The following TMEM86A variants were observed in gnomAD, a reference collection of about 807,000 sequenced individuals.
The protein encoded by TMEM86A is transmembrane protein 86A.
TMEM86A carries 13 observed loss-of-function variants against 19.8 expected under a neutral mutation model. That is an observed-to-expected ratio of 0.66 (90% CI 0.43 to 1.04). The LOEUF is 1.04. Among genes scored for constraint, TMEM86A ranks in the 50% least tolerant of loss-of-function variants. The pLI is 0.00. For synonymous variants in TMEM86A, 128 were observed against 129.9 expected (o/e 0.99, Z 0.10); for missense variants, 248 against 306.8 (o/e 0.81, Z 1.43).
In TMEM86A at chr11:18,701,713, T is replaced by C. The variant is rs746742687; in HGVS notation, c.427T>C (p.Phe143Leu). Reference sequence around the variant, plus strand: ...CCTCTACCCATGCCTCTCAGGTGCCTTCACCTACCTGGTGGGGGTCTATGT... The same window carrying C: ...CCTCTACCCATGCCTCTCAGGTGCCCTCACCTACCTGGTGGGGGTCTATGT... Reference protein sequence around the residue: ...ALLYPCLSGAFTYLVGVYVAL... With the variant: ...ALLYPCLSGALTYLVGVYVAL... Residue 143 changes from phenylalanine (F) to leucine (L), a missense_variant, in exon 3 of 3, where the codon TTC (phenylalanine) becomes CTC (leucine). Physicochemically the swap from Phe to Leu is conservative, Grantham distance 22. Transcript: ENST00000280734. This position sits in a 1 kb window ranked among gnomAD's most constrained non-coding sequence, Gnocchi z 5.3. The C allele has an allele frequency of 1.9e-6, 3 of 1,614,152 alleles. No homozygotes were observed. The highest frequency in any genetic ancestry group is 1.6e-4 in the Middle Eastern group (1 of 6,062).
rs79772016 is a variant in TMEM86A at position 18,702,142 on chromosome 11, C to T, written c.*133C>T. ...GTACTGCCTGAGGAATTTGCAAGTT[C>T]GTGTGGGGAGGCTGGAAAAGGATCT... On this transcript the variant is annotated 3_prime_UTR_variant, in exon 3 of 3. Transcript: ENST00000280734. 0.02 allele frequency: 18,062 copies of T among 891,876 alleles called. 573 individuals carry two copies. The highest frequency in any genetic ancestry group is 0.095 in the East Asian group (3,702 of 38,782). 55.2% of individuals were successfully genotyped at this position (891,876 alleles called of 1,614,324 possible). A position where few individuals can be genotyped will look rare whatever the true frequency, so the allele number is the denominator to read the frequency against.
rs1455477586 is a variant in TMEM86A at position 18,701,934 on chromosome 11, C to G, written c.648C>G (p.Ala216=). 6.2e-7 allele frequency: 1 copy of G among 1,613,766 alleles called. No individual in the cohort carries two copies. Among genetic ancestry groups the G allele is most frequent in the Non-Finnish European group, 8.5e-7 (1 of 1,180,040 alleles). The change falls in exon 3 of 3, where the codon GCC becomes GCG. Residue 216 remains alanine, a synonymous_variant. Transcript: ENST00000280734. The surrounding 1 kb of genome is among the most constrained non-coding windows in gnomAD (Gnocchi z 5.3). ...RALIMSTYYV[A]QMLVALSAVE... is the part of the protein sequence containing the mutation. ...TTATCATGTCCACCTACTATGTGGCCCAGATGCTCGTCGCCTTGTCAGCTG... is the reference window on the plus strand; with the variant it reads ...TTATCATGTCCACCTACTATGTGGCGCAGATGCTCGTCGCCTTGTCAGCTG...
At position 18,698,806 on chromosome 11, in the gene TMEM86A, A is replaced by C. The variant is rs1305884636; in HGVS notation, c.-81A>C. On this transcript the variant is annotated 5_prime_UTR_variant, in exon 1 of 3. Transcript: ENST00000280734. The stretch of plus-strand genomic sequence containing the variant: ...TGTCCGTCCCTCCGGGCTTTGTAGA[A>C]TCGTCGCCGGCTTACCTGGCCGTGG... 13 of 649,566 alleles carry C rather than the reference A, an allele frequency of 2.0e-5. No individual in the cohort carries two copies. In the East Asian group the frequency reaches 4.2e-4, roughly 21 times the overall value. The allele number at this position is 649,566 out of a possible 1,614,324, so 40.2% of individuals were successfully genotyped here. A position where few individuals can be genotyped will look rare whatever the true frequency, so the allele number is the denominator to read the frequency against.
Position 18,701,018 on chromosome 11 carries a change from C to A in TMEM86A, c.107C>A (p.Ser36Ter). The change falls in exon 2 of 3, where the codon TCG (serine) becomes TAG (stop). Residue 36 changes from serine to a stop codon, truncating the protein, a stop_gained. Transcript: ENST00000280734. LOFTEE classifies it high-confidence loss of function. This position sits in a 1 kb window ranked among gnomAD's most constrained non-coding sequence, Gnocchi z 5.3. ...CTCTGGCTGCCCTCATCTAGCCCAT[C>A]GTGGGTCAGCACCCTCATCAAGTGC... ...FVLWLPSSSP[S>*]WVSTLIKCLP... 1 of 1,614,192 alleles carries A rather than the reference C, an allele frequency of 6.2e-7. No homozygotes were observed. The highest frequency in any genetic ancestry group is 8.5e-7 in the Non-Finnish European group (1 of 1,180,040).
Position 18,702,055 on chromosome 11 carries a change from C to A in TMEM86A, c.*46C>A. ...CCTCTCTCCTCCTGGGGCTGGGGCCCAGATCCTGGGGACCTGCAGGAGCTG... is the reference window on the plus strand; with the variant it reads ...CCTCTCTCCTCCTGGGGCTGGGGCCAAGATCCTGGGGACCTGCAGGAGCTG... On this transcript the variant is annotated 3_prime_UTR_variant, in exon 3 of 3. Transcript: ENST00000280734. 6.3e-7 allele frequency: 1 copy of A among 1,581,638 alleles called. No individual in the cohort carries two copies. The highest frequency in any genetic ancestry group is 1.1e-5 in the South Asian group (1 of 89,342).
rs976335687 is a variant in TMEM86A at position 18,701,731 on chromosome 11, G to T, written c.445G>T (p.Val149Phe). ...LSGAFTYLVG[V>F]YVALIGFMGW... Reference sequence around the variant, plus strand: ...AGGTGCCTTCACCTACCTGGTGGGGGTCTATGTGGCCCTTATCGGCTTCAT... The same window carrying T: ...AGGTGCCTTCACCTACCTGGTGGGGTTCTATGTGGCCCTTATCGGCTTCAT... The change falls in exon 3 of 3, where the codon GTC becomes TTC. Residue 149 changes from valine to phenylalanine, a missense_variant. Val to Phe is a conservative substitution (Grantham distance 50). Transcript: ENST00000280734. The surrounding 1 kb of genome is among the most constrained non-coding windows in gnomAD (Gnocchi z 5.3). 2 of 1,614,170 alleles carry T rather than the reference G, an allele frequency of 1.2e-6. No homozygotes were observed. The highest frequency in any genetic ancestry group is 1.7e-6 in the Non-Finnish European group (2 of 1,180,040).
chr11:18,700,725 G>T, intron 1 of TMEM86A: 1 of 639,172 alleles, frequency 1.6e-6, no homozygotes, highest in Non-Finnish European at 2.7e-6. Context: ...CTAATATACT[G>T]AGCCTCAGGG....
chr11:18,699,287 A>T lies in TMEM86A; in HGVS notation c.21+380A>T, dbSNP rs1160168203. Among the ~76,000 whole-genome samples, 4 of 152,156 alleles carry T rather than the reference A, an allele frequency of 2.6e-5. No homozygotes were observed. The highest frequency in any genetic ancestry group is 5.9e-5 in the Non-Finnish European group (4 of 68,008). On this transcript the variant is annotated intron_variant, in intron 1 of 2. Transcript: ENST00000280734. This position sits in a 1 kb window ranked among gnomAD's most constrained non-coding sequence, Gnocchi z 4.0. ...AGGCGTGGGGGCGGGGGATGCTGGG[A>T]GGATAACAGGGACCTCCTGGGAATG...
chr11:18,702,496 A>G lies in TMEM86A; in HGVS notation c.*487A>G, dbSNP rs527932564. The G allele has an allele frequency of 1.6e-4, 29 of 176,396 alleles. No homozygotes were observed. The South Asian group carries it at 3.8e-3, about 23-fold the overall frequency. 10.9% of individuals were successfully genotyped at this position (176,396 alleles called of 1,614,324 possible). Reference sequence around the variant, plus strand: ...CCAGGAGCCCCTTTCACAGGCCCCTAGTTGGGAAGACTGGATGAGAGTGGA... The same window carrying G: ...CCAGGAGCCCCTTTCACAGGCCCCTGGTTGGGAAGACTGGATGAGAGTGGA... On this transcript the variant is annotated 3_prime_UTR_variant, in exon 3 of 3. Coordinates refer to ENST00000280734, the MANE Select transcript of TMEM86A (RefSeq NM_153347.3).
chr11:18,700,818 G>T, intron 1 of TMEM86A, 115 bp from the exon 2 acceptor site: 2 of 1,418,180 alleles, frequency 1.4e-6, no homozygotes, highest in Non-Finnish European at 1.9e-6. Context: ...TCAGGTTGGG[G>T]GTGGAAGTGA....
Position 18,701,304 on chromosome 11 carries a change from G to A in TMEM86A, c.286+107G>A, listed in dbSNP as rs1254497850. 8 of 1,439,802 alleles carry A rather than the reference G, an allele frequency of 5.6e-6. No homozygotes were observed. In the Admixed American group the frequency reaches 1.5e-4, roughly 27 times the overall value. 89.2% of individuals were successfully genotyped at this position (1,439,802 alleles called of 1,614,324 possible). On this transcript the variant is annotated intron_variant, in intron 2 of 2. Coordinates refer to ENST00000280734, the MANE Select transcript of TMEM86A (RefSeq NM_153347.3). The surrounding 1 kb of genome is among the most constrained non-coding windows in gnomAD (Gnocchi z 5.3). ...GAGGGAGTTCTTGAACCAGAGTGTG[G>A]GGAGCCTGAGGGTTTCTGAGGCCAG...
chr11:18,701,558 C>G lies in TMEM86A; in HGVS notation c.287-15C>G. 1 of 1,534,762 alleles carries G rather than the reference C, an allele frequency of 6.5e-7. No homozygotes were observed. Among genetic ancestry groups the G allele is most frequent in the Non-Finnish European group, 8.8e-7 (1 of 1,141,598 alleles). ...CAAGCTTGCCCTCAGCTGCCTTTGCCCCTCTTACCCCCAGGTCTGCTGATG... is the reference window on the plus strand; with the variant it reads ...CAAGCTTGCCCTCAGCTGCCTTTGCGCCTCTTACCCCCAGGTCTGCTGATG... On this transcript the variant is annotated splice_polypyrimidine_tract_variant and intron_variant, in intron 2 of 2. Coordinates refer to ENST00000280734, the MANE Select transcript of TMEM86A (RefSeq NM_153347.3). The surrounding 1 kb of genome is among the most constrained non-coding windows in gnomAD (Gnocchi z 5.3).
Position 18,701,968 on chromosome 11 carries a change from C to CGGGA in TMEM86A, c.684_687dup (p.Pro230GlyfsTer68). On this transcript the variant is annotated frameshift_variant, in exon 3 of 3. Coordinates refer to ENST00000280734, the MANE Select transcript of TMEM86A (RefSeq NM_153347.3). LOFTEE classifies it high-confidence loss of function. This position sits in a 1 kb window ranked among gnomAD's most constrained non-coding sequence, Gnocchi z 5.3. Reference sequence around the variant, plus strand: ...CGTCGCCTTGTCAGCTGTCGAAAGCCGGGAGCCTGTGGAACACTACAGACT... The same window carrying CGGGA: ...CGTCGCCTTGTCAGCTGTCGAAAGCCGGGAGGGAGCCTGTGGAACACTACAGACT... 6.2e-7 allele frequency: 1 copy of CGGGA among 1,611,036 alleles called. No homozygotes were observed. The highest frequency in any genetic ancestry group is 1.1e-5 in the South Asian group (1 of 91,086).
Position 18,702,075 on chromosome 11 carries a change from G to A in TMEM86A, c.*66G>A. On this transcript the variant is annotated 3_prime_UTR_variant, in exon 3 of 3. Coordinates refer to ENST00000280734, the MANE Select transcript of TMEM86A (RefSeq NM_153347.3). ...GGGCCCAGATCCTGGGGACCTGCAGGAGCTGGATCAGGATGGCTGCAGTGC... is the reference window on the plus strand; with the variant it reads ...GGGCCCAGATCCTGGGGACCTGCAGAAGCTGGATCAGGATGGCTGCAGTGC... 1 of 1,544,476 alleles carries A rather than the reference G, an allele frequency of 6.5e-7. No individual in the cohort carries two copies.
intron 1 of TMEM86A, chr11:18,700,691 C>G: frequency 1.7e-6 from 1 of 587,230 alleles, no homozygotes; most frequent in Non-Finnish European, 3.0e-6. Context: ...GAGAAGCACA[C>G]TAGGCTGCAG....
Position 18,704,363 on chromosome 11 carries a change from CA to C in TMEM86A, c.*2357del. 1 of 747,056 alleles carries C rather than the reference CA, an allele frequency of 1.3e-6. No individual in the cohort carries two copies. 46.3% of individuals were successfully genotyped at this position (747,056 alleles called of 1,614,324 possible). A position where few individuals can be genotyped will look rare whatever the true frequency, so the allele number is the denominator to read the frequency against. On this transcript the variant is annotated 3_prime_UTR_variant, in exon 3 of 3. Transcript: ENST00000280734. ...TCCCTTCACTGAATGTTTACATTAA[CA>C]AACACCAGAGAGCAAACTGGGCTTC... is the stretch of plus-strand genomic sequence containing the variant.
In TMEM86A at chr11:18,701,975, C is replaced by A. The variant is rs1170196578; in HGVS notation, c.689C>A (p.Pro230His). ...VALSAVESREPVEHYRLTKAN is the reference protein window; with the variant it reads ...VALSAVESREHVEHYRLTKAN ...TTGTCAGCTGTCGAAAGCCGGGAGCCTGTGGAACACTACAGACTGACCAAG... is the reference window on the plus strand; with the variant it reads ...TTGTCAGCTGTCGAAAGCCGGGAGCATGTGGAACACTACAGACTGACCAAG... Residue 230 changes from proline to histidine, a missense_variant, in exon 3 of 3, where the codon CCT becomes CAT. Physicochemically the swap from Pro to His is moderately conservative, Grantham distance 77. Coordinates refer to ENST00000280734, the MANE Select transcript of TMEM86A (RefSeq NM_153347.3). The surrounding 1 kb of genome is among the most constrained non-coding windows in gnomAD (Gnocchi z 5.3). 1.9e-6 allele frequency: 3 copies of A among 1,609,616 alleles called. No homozygotes were observed. Among genetic ancestry groups the A allele is most frequent in the Non-Finnish European group, 2.5e-6 (3 of 1,180,024 alleles).
chr11:18,700,827 G>C, intron 1 of TMEM86A, 106 bp from the exon 2 acceptor site: 1 of 1,467,106 alleles, frequency 6.8e-7, no homozygotes, highest in Non-Finnish European at 9.3e-7. Flanking sequence ...GGGTGGAAGT[G>C]AGGTGGGGGT....
intron 1 of TMEM86A, chr11:18,700,171 A>G (rs1848135825): frequency 1.3e-5 from 2 of 152,284 alleles, no homozygotes; most frequent in African/African-American, 4.8e-5. Context: ...GAAGCTGGGA[A>G]TAGAACCTCT....
Sources: allele counts gnomAD v4.1 joint callset (sites outside exome capture counted in the v4.1 genomes callset), GRCh38; gene constraint gnomAD v4.1.1; non-coding constraint Gnocchi (gnomAD v3.1); transcripts MANE v1.5; gene names NCBI Gene and HGNC (gene_info 2026-07-23, HGNC 2026-07-21).